INSIG2: variants seen among roughly 807,000 people sequenced by gnomAD.
INSIG2 encodes the protein insulin induced gene 2, also known as insulin-induced gene 2 protein.
In INSIG2, 10 loss-of-function variants were observed where a neutral mutation model predicts 27.2. That is an observed-to-expected ratio of 0.37 (90% CI 0.23 to 0.62). The LOEUF (loss-of-function observed/expected upper bound fraction) is 0.62. Ranked by LOEUF, INSIG2 falls within the 20% of genes least tolerant of loss-of-function variation. INSIG2 has a pLI of 0.65. For missense variants in INSIG2, 178 were observed against 270.2 expected (o/e 0.66, Z 2.39); for synonymous variants, 97 against 95.8 (o/e 1.01, Z -0.07).
chr2:118,089,192 T>C (rs940795140), intron 1 of INSIG2, among the ~76,000 whole-genome samples: 30 of 152,128 alleles, frequency 2.0e-4, no homozygotes, highest in African/African-American at 7.0e-4. Context: ...GTGTGGATTA[T>C]GGGAGTGGGC....
chr2:118,096,847 A>T, intron 2 of INSIG2, 47 bp downstream of exon 2: 9 of 1,587,820 alleles, frequency 5.7e-6, no homozygotes, highest in Non-Finnish European at 7.7e-6. Context: ...AATAGGGTAA[A>T]TGAGTATGGA....
Position 118,108,344 on chromosome 2 carries a change from G to A in INSIG2, c.*22G>A. On this transcript the variant is annotated 3_prime_UTR_variant, in exon 6 of 6. Coordinates refer to ENST00000245787, the MANE Select transcript of INSIG2 (RefSeq NM_016133.4). Reference sequence around the variant, plus strand: ...ATGAAGAAGGCAAAAAATATCTTTTGTACAGAAAAGCAAGATGAAAAGGAT... The same window carrying A: ...ATGAAGAAGGCAAAAAATATCTTTTATACAGAAAAGCAAGATGAAAAGGAT... The A allele has an allele frequency of 6.4e-7, 1 of 1,571,928 alleles. No homozygotes were observed. The highest frequency in any genetic ancestry group is 1.1e-5 in the South Asian group (1 of 87,944).
At chr2:118,102,375 T>C (rs1678568033) in intron 2 of INSIG2, among the ~76,000 whole-genome samples, 1 of 152,238 alleles carries the variant, frequency 6.6e-6, no homozygotes, top group Non-Finnish European at 1.5e-5. Flanking sequence ...TATACAGTTA[T>C]GTATAATTAA....
chr2:118,102,417 C>A (rs954793346), intron 2 of INSIG2: 25 of 152,174 alleles, frequency 1.6e-4, no homozygotes, highest in Admixed American at 1.0e-3. Context: ...CTTTCCAAAA[C>A]TAAGAGAAGT....
At chr2:118,089,584 A>G (rs1462991816) in intron 1 of INSIG2, among the ~76,000 whole-genome samples, 1 of 151,770 alleles carries the variant, frequency 6.6e-6, no homozygotes, top group Non-Finnish European at 1.5e-5. Flanking sequence ...AAAGAAAACA[A>G]AAATCAGACG....
intron 2 of INSIG2, among the ~76,000 whole-genome samples, chr2:118,098,704 G>A (rs1425495853): frequency 1.3e-5 from 2 of 152,134 alleles, no homozygotes; most frequent in Non-Finnish European, 2.9e-5. Context: ...CCCCTTTAAT[G>A]TCAGCACTTT....
In INSIG2 at chr2:118,107,160, A is replaced by C; in HGVS notation, c.607A>C (p.Met203Leu). The C allele has an allele frequency of 1.2e-6, 2 of 1,613,134 alleles. No homozygotes were observed. The highest frequency in any genetic ancestry group is 8.5e-7 in the Non-Finnish European group (1 of 1,179,212). The change falls in exon 5 of 6, where the codon ATG (methionine) becomes CTG (leucine). Residue 203 changes from methionine to leucine, a missense_variant. Physicochemically the swap from Met to Leu is conservative, Grantham distance 15. Coordinates refer to ENST00000245787, the MANE Select transcript of INSIG2 (RefSeq NM_016133.4). ...TATATTTTTTGCTGGAGGCATAACA[A>C]TGGGAAACATTGGTCGACAACTGGC... is the stretch of plus-strand genomic sequence containing the variant. ...PCIFFAGGIT[M>L]GNIGRQLAMY...
chr2:118,096,693 T>G lies in INSIG2; in HGVS notation c.137T>G (p.Leu46Ter). The change falls in exon 2 of 6, where the codon TTA (leucine) becomes TGA (stop). Residue 46 changes from leucine (L) to a stop codon, truncating the protein, a stop_gained. Coordinates refer to ENST00000245787, the MANE Select transcript of INSIG2 (RefSeq NM_016133.4). LOFTEE classifies it high-confidence loss of function. ...FFIGVFLALV[L>*]NLLQIQRNVT... is the part of the protein sequence containing the mutation. ...ATTGGAGTATTTCTTGCATTAGTGT[T>G]AAATTTACTTCAGATTCAGAGAAAT... 6.2e-7 allele frequency: 1 copy of G among 1,614,092 alleles called. No individual in the cohort carries two copies. Among genetic ancestry groups the G allele is most frequent in the Non-Finnish European group, 8.5e-7 (1 of 1,179,968 alleles).
At chr2:118,096,114 T>A (rs1678398633) in intron 1 of INSIG2, among the ~76,000 whole-genome samples, 1 of 152,212 alleles carries the variant, frequency 6.6e-6, no homozygotes. Context: ...GATTACCTGT[T>A]CTGCTTTTCT....
chr2:118,096,649 AGGAGTAGTGCTATTTTTTATT>A lies in INSIG2; in HGVS notation c.100_120del (p.Val34_Val40del). 2 of 1,613,916 alleles carry A rather than the reference AGGAGTAGTGCTATTTTTTATT, an allele frequency of 1.2e-6. No individual in the cohort carries two copies. Among genetic ancestry groups the A allele is most frequent in the Non-Finnish European group, 1.7e-6 (2 of 1,179,946 alleles). On this transcript the variant is annotated inframe_deletion, in exon 2 of 6. Transcript: ENST00000245787. ...GCCAGAGTGTGAACTTGATGATTCG[AGGAGTAGTGCTATTTTTTATT>A]GGAGTATTTCTTGCATTAGTGTTAA...
intron 1 of INSIG2, among the ~76,000 whole-genome samples, chr2:118,092,637 C>T (rs1174834388): frequency 6.6e-6 from 1 of 152,154 alleles, no homozygotes; most frequent in Non-Finnish European, 1.5e-5. Flanking sequence ...TTTGATACTG[C>T]ATGTCATGTG....
chr2:118,107,183 G>A lies in INSIG2; in HGVS notation c.630G>A (p.Leu210=). 2 of 1,606,316 alleles carry A rather than the reference G, an allele frequency of 1.2e-6. No homozygotes were observed. The highest frequency in any genetic ancestry group is 2.2e-5 in the East Asian group (1 of 44,822). ...CAATGGGAAACATTGGTCGACAACTGGCAATGGTAAGCTGATGCTCACTTT... is the reference window on the plus strand; with the variant it reads ...CAATGGGAAACATTGGTCGACAACTAGCAATGGTAAGCTGATGCTCACTTT... ...GITMGNIGRQ[L]AMYECKVIAE... is the part of the protein sequence containing the mutation. The change falls in exon 5 of 6, where the codon CTG becomes CTA. Residue 210 remains leucine, a synonymous_variant. Coordinates refer to ENST00000245787, the MANE Select transcript of INSIG2 (RefSeq NM_016133.4).
rs111496298 is a variant in INSIG2, at chr2:118,095,603, T to C, written c.-138-816T>C. Among the ~76,000 whole-genome samples the C allele has an allele frequency of 2.1e-3, 316 of 152,304 alleles. 5 individuals carry two copies. The highest frequency in any genetic ancestry group is 3.7e-3 in the Non-Finnish European group (254 of 68,020). On this transcript the variant is annotated intron_variant, in intron 1 of 5. Coordinates refer to ENST00000245787, the MANE Select transcript of INSIG2 (RefSeq NM_016133.4). Reference sequence around the variant, plus strand: ...AGGAATGAACAAGTACCTAGACTGATTGTAGTAGCAAAGTTTTAGGTTTTA... The same window carrying C: ...AGGAATGAACAAGTACCTAGACTGACTGTAGTAGCAAAGTTTTAGGTTTTA...
intron 1 of INSIG2, among the ~76,000 whole-genome samples, chr2:118,092,507 A>G (rs1159099679): frequency 6.6e-6 from 1 of 152,170 alleles, no homozygotes; most frequent in African/African-American, 2.4e-5. Flanking sequence ...TCAGTAACCA[A>G]ACACTTTTAT....
chr2:118,096,927 A>G, intron 2 of INSIG2, 127 bp downstream of exon 2: 3 of 1,041,016 alleles, frequency 2.9e-6, no homozygotes, highest in Non-Finnish European at 4.0e-6. Flanking sequence ...GGTATAATAC[A>G]CTGGACCCGT....
At chr2:118,101,859 C>T (rs1678553436) in intron 2 of INSIG2, among the ~76,000 whole-genome samples, 1 of 152,230 alleles carries the variant, frequency 6.6e-6, no homozygotes, top group South Asian at 2.1e-4. Flanking sequence ...ATACTCAGCA[C>T]ATGCCTAACT....
intron 1 of INSIG2, among the ~76,000 whole-genome samples, 181 bp from the exon 2 acceptor site, chr2:118,096,238 A>G (rs1027214344): frequency 2.6e-5 from 4 of 152,248 alleles, no homozygotes; most frequent in Admixed American, 6.5e-5. Flanking sequence ...CGTCTTGCAT[A>G]TAAAAATACT....
intron 1 of INSIG2, among the ~76,000 whole-genome samples, chr2:118,092,362 A>G (rs1156960240): frequency 1.3e-5 from 2 of 152,164 alleles, no homozygotes; most frequent in Non-Finnish European, 2.9e-5. Context: ...ATCTAGTACT[A>G]TTAAAGAAAA....
intron 1 of INSIG2, among the ~76,000 whole-genome samples, chr2:118,088,922 C>T (rs2104516362): frequency 6.6e-6 from 1 of 152,248 alleles, no homozygotes; most frequent in East Asian, 1.9e-4. Flanking sequence ...GGCTTGTAGC[C>T]TGGGAGAGAA....
Sources: gnomAD v4.1 joint callset for allele counts (sites outside exome capture counted in the v4.1 genomes callset) on GRCh38, gnomAD v4.1.1 for gene constraint, MANE v1.5 for transcripts, NCBI Gene and HGNC (gene_info 2026-07-23, HGNC 2026-07-21) for gene names.